SLC16A5: variants seen among roughly 807,000 people sequenced by gnomAD.
The protein encoded by SLC16A5 is solute carrier family 16 member 5.
SLC16A5 carries 29 observed loss-of-function variants against 33.2 expected under a neutral mutation model. The ratio of observed to expected loss-of-function variants is 0.87; its 90% CI spans 0.65 to 1.19. The LOEUF (loss-of-function observed/expected upper bound fraction) is 1.19, where lower values mean the gene tolerates loss of function less well. Ranked by LOEUF, SLC16A5 falls within the 50% of genes most tolerant of loss-of-function variation. The pLI is 0.00. For missense variants in SLC16A5, 606 were observed against 678.2 expected (o/e 0.89, Z 1.18); for synonymous variants, 248 against 284.1 (o/e 0.87, Z 1.28).
chr17:75,098,278 G>A (rs949168365), intron 4 of SLC16A5, 97 bp downstream of exon 4: 3 of 1,512,648 alleles, frequency 2.0e-6, no homozygotes, highest in Middle Eastern at 1.7e-4. Flanking sequence ...TTCTGGAACT[G>A]CTGGCTGGGT....
rs192627174 is a variant in SLC16A5, at chr17:75,098,075, C to T, written c.237C>T (p.Cys79=). Residue 79 remains cysteine, a synonymous_variant, in exon 4 of 7, where the codon TGC becomes TGT. Coordinates refer to ENST00000329783, the MANE Select transcript of SLC16A5 (RefSeq NM_004695.4). The part of the protein sequence containing the change: ...LCSILVGRFG[C]RVTVMLGGVL... ...GCATCCTGGTGGGACGCTTCGGCTGCCGAGTGACCGTGATGCTGGGGGGCG... is the reference window on the plus strand; with the variant it reads ...GCATCCTGGTGGGACGCTTCGGCTGTCGAGTGACCGTGATGCTGGGGGGCG... 4.4e-6 allele frequency: 7 copies of T among 1,608,650 alleles called. No homozygotes were observed. The East Asian group carries it at 1.4e-4, about 31-fold the overall frequency.
chr17:75,100,587 C>T lies in SLC16A5; in HGVS notation c.924C>T (p.Phe308=). 6.2e-7 allele frequency: 1 copy of T among 1,614,252 alleles called. No homozygotes were observed. Among genetic ancestry groups the T allele is most frequent in the Non-Finnish European group, 8.5e-7 (1 of 1,180,052 alleles). The change falls in exon 5 of 7, where the codon TTC becomes TTT. Residue 308 remains phenylalanine (F), a synonymous_variant. Transcript: ENST00000329783. Reference sequence around the variant, plus strand: ...TTGCTAGCCACCGCAAGTACCTGTTCAGCCTGGCACTCCTGCTCAATGGGC... The same window carrying T: ...TTGCTAGCCACCGCAAGTACCTGTTTAGCCTGGCACTCCTGCTCAATGGGC... ...PAFASHRKYL[F]SLALLLNGLT...
At chr17:75,097,942 G>A (rs1216455545) in intron 3 of SLC16A5, 96 bp from the exon 4 acceptor site, 1 of 1,422,526 alleles carries the variant, frequency 7.0e-7, no homozygotes, top group African/African-American at 1.5e-5. Flanking sequence ...GAAACCACCT[G>A]GCTAGTTCCA....
At chr17:75,106,353 T>C (rs192921467), downstream of SLC16A5, among the ~76,000 whole-genome samples, 184 of 152,054 alleles carry the variant, frequency 1.2e-3, 1 homozygote, top group African/African-American at 4.1e-3. Flanking sequence ...CTCAGTTGAA[T>C]GGAAAAGGAG....
Position 75,100,191 on chromosome 17 carries a change from C to T in SLC16A5, c.528C>T (p.Gly176=), listed in dbSNP as rs750634162. Residue 176 remains glycine, a synonymous_variant, in exon 5 of 7, where the codon GGC becomes GGT. Coordinates refer to ENST00000329783, the MANE Select transcript of SLC16A5 (RefSeq NM_004695.4). ...LGWRGTFLVF[G]GIFLHCCICG... ...GGAGGGGTACCTTCCTTGTCTTCGG[C>T]GGGATCTTTCTCCACTGCTGCATCT... is the stretch of plus-strand genomic sequence containing the variant. 28 of 1,614,124 alleles carry T rather than the reference C, an allele frequency of 1.7e-5. No homozygotes were observed. Among genetic ancestry groups the T allele is most frequent in the Non-Finnish European group, 2.1e-5 (25 of 1,180,056 alleles).
intron 5 of SLC16A5, among the ~76,000 whole-genome samples, chr17:75,102,832 A>G (rs1251425899): frequency 1.3e-5 from 2 of 151,750 alleles, no homozygotes; most frequent in African/African-American, 2.4e-5. Flanking sequence ...TCCCAGGTTC[A>G]AGCAATTTTC....
At chr17:75,090,959 G>T (rs2073630080) in intron 2 of SLC16A5, among the ~76,000 whole-genome samples, 1 of 152,220 alleles carries the variant, frequency 6.6e-6, no homozygotes, top group Non-Finnish European at 1.5e-5. Context: ...GCTGAGAAGA[G>T]CTCTTCTCAT....
intron 2 of SLC16A5, chr17:75,093,352 C>T (rs1367369198): frequency 6.7e-7 from 1 of 1,501,634 alleles, no homozygotes; most frequent in Non-Finnish European, 9.0e-7. Context: ...CCTATCCCTC[C>T]TGTCCCTCCT....
At chr17:75,104,314 A>C (rs2073837163) in intron 6 of SLC16A5, 134 bp downstream of exon 6, 12 of 1,476,694 alleles carry the variant, frequency 8.1e-6, no homozygotes, top group Non-Finnish European at 1.1e-5. Context: ...GCTTGGGTGA[A>C]GAGTAGCCCA....
intron 4 of SLC16A5, among the ~76,000 whole-genome samples, chr17:75,098,831 G>A (rs2073753289): frequency 6.6e-6 from 1 of 152,144 alleles, no homozygotes; most frequent in African/African-American, 2.4e-5. Context: ...CAGGGCAGAA[G>A]GGAGGGACAG....
chr17:75,103,619 T>C (rs1409291555), intron 5 of SLC16A5, among the ~76,000 whole-genome samples: 1 of 152,112 alleles, frequency 6.6e-6, no homozygotes, highest in Non-Finnish European at 1.5e-5. Context: ...TGAGCCACCG[T>C]GTCAGGCCCC....
In SLC16A5 at chr17:75,095,769, C is replaced by T. The variant is rs544639263; in HGVS notation, c.199+1934C>T. ...CCGCCTTCCAGGTTCAAGCGATTCT[C>T]CTGCCTCAGCCTCCTGAGTAGCTGG... On this transcript the variant is annotated intron_variant, in intron 3 of 6. Transcript: ENST00000329783. Among the ~76,000 whole-genome samples the T allele has an allele frequency of 5.8e-4, 88 of 152,060 alleles. 1 individual carries two copies. The highest frequency in any genetic ancestry group is 2.0e-3 in the African/African-American group (83 of 41,444).
chr17:75,092,062 C>T (rs1225608666), intron 2 of SLC16A5, among the ~76,000 whole-genome samples: 1 of 143,922 alleles, frequency 6.9e-6, no homozygotes, highest in Non-Finnish European at 1.5e-5. Context: ...CACGCATGCG[C>T]AGATGTGCAT....
intron 5 of SLC16A5, among the ~76,000 whole-genome samples, chr17:75,102,971 A>C (rs1314099552): frequency 6.6e-6 from 1 of 151,926 alleles, no homozygotes; most frequent in African/African-American, 2.4e-5. Flanking sequence ...GCTCACTGCA[A>C]CCTCTGCCTC....
chr17:75,100,591 C>G lies in SLC16A5; in HGVS notation c.928C>G (p.Leu310Val), dbSNP rs1002825516. 3.7e-6 allele frequency: 6 copies of G among 1,614,260 alleles called. No individual in the cohort carries two copies. The highest frequency in any genetic ancestry group is 5.1e-6 in the Non-Finnish European group (6 of 1,180,052). ...TAGCCACCGCAAGTACCTGTTCAGC[C>G]TGGCACTCCTGCTCAATGGGCTCAC... The part of the protein sequence containing the change: ...FASHRKYLFS[L>V]ALLLNGLTNL... The change falls in exon 5 of 7, where the codon CTG becomes GTG. Residue 310 changes from leucine (L) to valine (V), a missense_variant. Leu to Val is a conservative substitution (Grantham distance 32, BLOSUM62 1). Transcript: ENST00000329783.
intron 3 of SLC16A5, among the ~76,000 whole-genome samples, chr17:75,094,838 A>G (rs2073694632): frequency 6.6e-6 from 1 of 152,192 alleles, no homozygotes; most frequent in Admixed American, 6.5e-5. Context: ...CATAGGCCTC[A>G]GAGGCCCATG....
chr17:75,100,137 C>T lies in SLC16A5; in HGVS notation c.474C>T (p.Leu158=). The T allele has an allele frequency of 1.2e-6, 2 of 1,614,212 alleles. No homozygotes were observed. Among genetic ancestry groups the T allele is most frequent in the East Asian group, 2.2e-5 (1 of 44,890 alleles). Residue 158 remains leucine, a synonymous_variant, in exon 5 of 7, where the codon CTC becomes CTT. Transcript: ENST00000329783. ...VSLGITLWPL[L]SRYLLENLGW... ...TGGGCATCACCCTCTGGCCGCTGCT[C>T]TCCCGCTACCTTCTGGAGAACCTGG...
chr17:75,096,931 T>C (rs61195391), intron 3 of SLC16A5, among the ~76,000 whole-genome samples: 43,898 of 145,990 alleles, frequency 0.3, 7,956 homozygotes, highest in Middle Eastern at 0.42. Flanking sequence ...GTTCAAGCGA[T>C]TCTCCTGCCT....
At chr17:75,107,558 A>C (rs1475513769), downstream of SLC16A5, among the ~76,000 whole-genome samples, 1 of 151,944 alleles carries the variant, frequency 6.6e-6, no homozygotes, top group African/African-American at 2.4e-5. Context: ...TAATCCCAGC[A>C]CTTTGGGAGG....
Sources: gnomAD v4.1 joint callset for allele counts (sites outside exome capture counted in the v4.1 genomes callset) on GRCh38, gnomAD v4.1.1 for gene constraint, MANE v1.5 for transcripts, NCBI Gene and HGNC (gene_info 2026-07-23, HGNC 2026-07-21) for gene names.